SPRED2: variants seen among roughly 807,000 people sequenced by gnomAD.
SPRED2 encodes sprouty-related, EVH1 domain-containing protein 2.
Under a neutral mutation model 43.0 loss-of-function variants are expected in SPRED2, and 47 were observed. The ratio of observed to expected loss-of-function variants is 1.09; its 90% CI spans 0.87 to 1.40. The LOEUF is 1.40. Ranked by LOEUF, SPRED2 falls within the 40% of genes most tolerant of loss-of-function variation. The pLI, the probability that SPRED2 is intolerant of heterozygous loss-of-function variation, is 0.00. For missense variants in SPRED2, 561 were observed against 586.4 expected, an observed-to-expected ratio of 0.96 and a Z score of 0.45; for synonymous variants, 225 against 225.7, an observed-to-expected ratio of 1.00 and a Z score of 0.03.
intron 1 of SPRED2, among the ~76,000 whole-genome samples, chr2:65,359,996 C>T (rs527659661): frequency 1.5e-4 from 20 of 136,482 alleles, no homozygotes; most frequent in Middle Eastern, 4.3e-3. Context: ...ACCCCGGAGG[C>T]GGAGGTTGCA....
intron 1 of SPRED2, among the ~76,000 whole-genome samples, chr2:65,386,508 C>T (rs1182661884): frequency 6.6e-6 from 1 of 152,180 alleles, no homozygotes; most frequent in Non-Finnish European, 1.5e-5. Context: ...TTACATGCTT[C>T]TATGCATATT....
intron 1 of SPRED2, among the ~76,000 whole-genome samples, chr2:65,429,344 C>G (rs1676625904): frequency 2.0e-5 from 3 of 152,146 alleles, no homozygotes; most frequent in Admixed American, 2.0e-4. Flanking sequence ...TCTTAAGTAG[C>G]AAACCCTGCC....
downstream of SPRED2, among the ~76,000 whole-genome samples, chr2:65,310,150 C>T (rs1194781610): frequency 6.6e-6 from 1 of 152,180 alleles, no homozygotes; most frequent in Non-Finnish European, 1.5e-5. Context: ...CCATGCTTCT[C>T]ACCTTTGCCA....
intron 1 of SPRED2, chr2:65,377,541 T>C: frequency 2.1e-6 from 1 of 470,966 alleles, no homozygotes; most frequent in Non-Finnish European, 4.4e-6. Context: ...TTCGGTCTCA[T>C]AGAGGGGGAA....
At position 65,432,286 on chromosome 2, in the gene SPRED2, C is replaced by A. The variant is rs1412142652; in HGVS notation, c.-299G>T. ...GGGGCGAGATTTGGGAAGGGGACGG[C>A]GGTGGGGGAGAGCAGGAGAAAAACA... On this transcript the variant is annotated 5_prime_UTR_variant, in exon 1 of 6. Coordinates refer to ENST00000356388, the MANE Select transcript of SPRED2 (RefSeq NM_181784.3). 5 of 303,424 alleles carry A rather than the reference C, an allele frequency of 1.6e-5. No homozygotes were observed. The highest frequency in any genetic ancestry group is 3.0e-5 in the Non-Finnish European group (5 of 166,910). The allele number at this position is 303,424 out of a possible 1,614,324, so 18.8% of individuals were successfully genotyped here.
At chr2:65,430,805 T>C (rs1480192738) in intron 1 of SPRED2, among the ~76,000 whole-genome samples, 1 of 151,622 alleles carries the variant, frequency 6.6e-6, no homozygotes, top group African/African-American at 2.4e-5. Context: ...TCCGGATTTA[T>C]GAATGTGCAG....
chr2:65,313,179 A>G lies in SPRED2; in HGVS notation c.*322T>C, dbSNP rs1673117766. On this transcript the variant is annotated 3_prime_UTR_variant, in exon 6 of 6. Transcript: ENST00000356388. ...TGGAAGAGGCGGGGGAGGAGGAAAC[A>G]GGAAATCAACACATGGATGAGACAG... 9.4e-7 allele frequency: 1 copy of G among 1,063,330 alleles called. No homozygotes were observed. Among genetic ancestry groups the G allele is most frequent in the African/African-American group, 1.7e-5 (1 of 60,346 alleles). 65.9% of individuals were successfully genotyped at this position (1,063,330 alleles called of 1,614,324 possible).
In SPRED2 at chr2:65,311,167, A is replaced by G; in HGVS notation, c.*2334T>C. 1.0e-6 allele frequency: 1 copy of G among 985,848 alleles called. No homozygotes were observed. Among genetic ancestry groups the G allele is most frequent in the South Asian group, 4.7e-5 (1 of 21,286 alleles). The allele number at this position is 985,848 out of a possible 1,614,324, so 61.1% of individuals were successfully genotyped here. On this transcript the variant is annotated 3_prime_UTR_variant, in exon 6 of 6. Transcript: ENST00000356388. The stretch of plus-strand genomic sequence containing the variant: ...TTGTTACCACAGATACAAAAATAAA[A>G]TCTGAATAATTTCTCTCAAATGATT...
intron 4 of SPRED2, among the ~76,000 whole-genome samples, chr2:65,331,186 T>G (rs570800489): frequency 2.6e-5 from 4 of 152,228 alleles, no homozygotes; most frequent in African/African-American, 9.6e-5. Context: ...GAAGCTGAAG[T>G]TGGAGGACTG....
At chr2:65,362,941 C>T (rs1196021931) in intron 1 of SPRED2, among the ~76,000 whole-genome samples, 6 of 149,520 alleles carry the variant, frequency 4.0e-5, no homozygotes, top group Non-Finnish European at 7.4e-5. Flanking sequence ...TTTGGGAGGC[C>T]GAGGCGGGCG....
In SPRED2 at chr2:65,313,738, C is replaced by T; in HGVS notation, c.1020G>A (p.Val340=). ...PDSVRTCIRR[V]SCMWCADSML... ...TGCTGTCCGCGCACCACATGCAGCT[C>T]ACCCGGCGGATGCAAGTTCTCACGG... is the stretch of plus-strand genomic sequence containing the variant. The change falls in exon 6 of 6, where the codon GTG becomes GTA. Residue 340 remains valine (V), a synonymous_variant. Coordinates refer to ENST00000356388, the MANE Select transcript of SPRED2 (RefSeq NM_181784.3). 1.9e-6 allele frequency: 3 copies of T among 1,614,226 alleles called. No individual in the cohort carries two copies. Among genetic ancestry groups the T allele is most frequent in the Non-Finnish European group, 2.5e-6 (3 of 1,180,036 alleles).
chr2:65,422,575 T>C lies in SPRED2; in HGVS notation c.26+9387A>G, dbSNP rs530536894. Among the ~76,000 whole-genome samples, 18 of 152,334 alleles carry C rather than the reference T, an allele frequency of 1.2e-4. 1 individual carries two copies. The South Asian group carries it at 3.7e-3, about 32-fold the overall frequency. ...TCCTCTGGCTGTACTTCCACTCATT[T>C]ATTTTATCCAATACAATAATTTACA... On this transcript the variant is annotated intron_variant, in intron 1 of 5. Coordinates refer to ENST00000356388, the MANE Select transcript of SPRED2 (RefSeq NM_181784.3).
intron 2 of SPRED2, among the ~76,000 whole-genome samples, chr2:65,336,167 C>T (rs1049474664): frequency 2.0e-5 from 3 of 152,098 alleles, no homozygotes; most frequent in African/African-American, 7.2e-5. Context: ...CCAGCCTGGG[C>T]AACATGGCAG....
At chr2:65,346,752 C>T (rs1237443426) in intron 1 of SPRED2, among the ~76,000 whole-genome samples, 1 of 152,118 alleles carries the variant, frequency 6.6e-6, no homozygotes, top group Non-Finnish European at 1.5e-5. Flanking sequence ...GACTATTCAG[C>T]CTCCCTCCAG....
chr2:65,395,304 CAG>C (rs1675729711), intron 1 of SPRED2, among the ~76,000 whole-genome samples: 2 of 152,198 alleles, frequency 1.3e-5, no homozygotes, highest in African/African-American at 2.4e-5. Context: ...GCTGAATGGG[CAG>C]AGTGTCCCAA....
chr2:65,314,132 T>G lies in SPRED2; in HGVS notation c.626A>C (p.Asp209Ala), dbSNP rs1372723885. Residue 209 changes from aspartate (D) to alanine (A), a missense_variant, in exon 6 of 6, where the codon GAC (aspartate) becomes GCC (alanine). Physicochemically the swap from Asp to Ala is moderately radical, Grantham distance 126. This residue lies in a region of SPRED2 where 305 missense variants were observed against 282.4 expected (regional missense o/e 1.08). Transcript: ENST00000356388. ...PRPYRQVSFP[D>A]DDEEIVRINP... ...GATGCGCACGATCTCCTCGTCGTCG[T>G]CCGGGAAGCTCACCTGGCGGTAGGG... 1.2e-6 allele frequency: 2 copies of G among 1,602,980 alleles called. No individual in the cohort carries two copies. Among genetic ancestry groups the G allele is most frequent in the East Asian group, 2.2e-5 (1 of 44,528 alleles).
intron 1 of SPRED2, among the ~76,000 whole-genome samples, chr2:65,356,878 C>T (rs889988770): frequency 6.6e-6 from 1 of 152,038 alleles, no homozygotes. Context: ...CCTGTAATCC[C>T]AGCTACTTGG....
intron 1 of SPRED2, among the ~76,000 whole-genome samples, chr2:65,381,635 G>A (rs1320361024): frequency 6.6e-6 from 1 of 152,240 alleles, no homozygotes; most frequent in African/African-American, 2.4e-5. Flanking sequence ...GTACATGACA[G>A]ACAGCAGGGT....
chr2:65,431,961 C>A lies in SPRED2; in HGVS notation c.26+1G>T, dbSNP rs138149593. The A allele has an allele frequency of 5.6e-6, 9 of 1,613,710 alleles. No homozygotes were observed. The highest frequency in any genetic ancestry group is 1.6e-4 in the Middle Eastern group (1 of 6,084). The stretch of plus-strand genomic sequence containing the variant: ...TCGTCCCACCCCGCGACCAAACTTA[C>A]TCGTCTGGGTGTGTTTCTTCGGTCA... On this transcript the variant is annotated splice_donor_variant, in intron 1 of 5. Transcript: ENST00000356388. LOFTEE classifies it high-confidence loss of function.
Sources: gnomAD v4.1 joint callset for allele counts (sites outside exome capture counted in the v4.1 genomes callset) on GRCh38, gnomAD v4.1.1 for gene constraint, gnomAD v4.1.1 regional missense constraint, MANE v1.5 for transcripts, NCBI Gene and HGNC (gene_info 2026-07-23, HGNC 2026-07-21) for gene names.